PELI2: variants seen among roughly 807,000 people sequenced by gnomAD.
PELI2 encodes the protein pellino E3 ubiquitin protein ligase family member 2, also known as E3 ubiquitin-protein ligase pellino homolog 2.
Under a neutral mutation model 42.3 loss-of-function variants are expected in PELI2, and 23 were observed. That is an observed-to-expected ratio of 0.54 (90% CI 0.39 to 0.77). The LOEUF is 0.77. Among genes scored for constraint, PELI2 ranks in the 30% least tolerant of loss-of-function variants. The probability of loss-of-function intolerance (pLI) is 0.00; values close to 1 mark genes in which losing one functional copy is unlikely to be tolerated. For missense variants in PELI2, 463 were observed against 553.2 expected (o/e 0.84, Z 1.64); for synonymous variants, 245 against 212.2 (o/e 1.15, Z -1.34).
chr14:56,252,140 A>G (rs1013249736), intron 2 of PELI2, among the ~76,000 whole-genome samples: 4 of 152,202 alleles, frequency 2.6e-5, no homozygotes, highest in Admixed American at 6.5e-5. Context: ...TGCAGTAAGG[A>G]GGTAACAATT....
intron 2 of PELI2, among the ~76,000 whole-genome samples, chr14:56,232,286 G>A (rs1887611366): frequency 6.6e-6 from 1 of 151,990 alleles, no homozygotes; most frequent in Non-Finnish European, 1.5e-5. Context: ...TGATGCCAAA[G>A]CCAGGCAGAG....
Position 56,160,462 on chromosome 14 carries a change from C to CA in PELI2, c.78-17872dup, listed in dbSNP as rs561974923. Among the ~76,000 whole-genome samples the CA allele has an allele frequency of 5.5e-4, 83 of 152,196 alleles. No homozygotes were observed. The East Asian group carries it at 0.016, about 29-fold the overall frequency. On this transcript the variant is annotated intron_variant, in intron 1 of 5. Coordinates refer to ENST00000267460, the MANE Select transcript of PELI2 (RefSeq NM_021255.3). ...ATGATGGTGTGTGGGTACATAAATA[C>CA]AGGAAGAACAGGTTAAAACTTAATG...
intron 2 of PELI2, among the ~76,000 whole-genome samples, chr14:56,238,813 G>A (rs1887881935): frequency 6.6e-6 from 1 of 152,132 alleles, no homozygotes; most frequent in African/African-American, 2.4e-5. Context: ...TGTTTAACCA[G>A]GAGGATTTGT....
At chr14:56,213,797 T>C (rs574808548) in intron 2 of PELI2, among the ~76,000 whole-genome samples, 47 of 152,344 alleles carry the variant, frequency 3.1e-4, no homozygotes, top group African/African-American at 1.1e-3. Flanking sequence ...CTGAAGGATA[T>C]ATCAGTTTTC....
At chr14:56,238,164 C>G (rs1479752) in intron 2 of PELI2, among the ~76,000 whole-genome samples, 1 of 152,158 alleles carries the variant, frequency 6.6e-6, no homozygotes, top group East Asian at 1.9e-4. Context: ...GTCAGTTCTG[C>G]CTGCAGAAGT....
At chr14:56,215,746 A>T (rs1213786118) in intron 2 of PELI2, among the ~76,000 whole-genome samples, 1 of 152,236 alleles carries the variant, frequency 6.6e-6, no homozygotes, top group Non-Finnish European at 1.5e-5. Flanking sequence ...TCAGATTTTT[A>T]ATTGAACTCA....
chr14:56,199,314 A>T (rs1886249034), intron 2 of PELI2, among the ~76,000 whole-genome samples: 1 of 151,842 alleles, frequency 6.6e-6, no homozygotes, highest in African/African-American at 2.4e-5. Context: ...TCTAATCTCC[A>T]TTTACTTCTG....
chr14:56,135,834 AG>A (rs1306963820), intron 1 of PELI2, among the ~76,000 whole-genome samples: 2 of 152,206 alleles, frequency 1.3e-5, no homozygotes, highest in Non-Finnish European at 2.9e-5. Flanking sequence ...GCTTCAGAAG[AG>A]GCATGCTTTT....
intron 2 of PELI2, among the ~76,000 whole-genome samples, chr14:56,278,071 T>C (rs972113043): frequency 1.2e-4 from 19 of 152,366 alleles, no homozygotes; most frequent in African/African-American, 3.8e-4. Context: ...GGAGTTGATA[T>C]ATTTGTAAAT....
At chr14:56,225,567 C>T (rs1159861126) in intron 2 of PELI2, among the ~76,000 whole-genome samples, 1 of 152,148 alleles carries the variant, frequency 6.6e-6, no homozygotes, top group East Asian at 1.9e-4. Context: ...GTGGGGGTGG[C>T]AGAGCCTGGG....
At chr14:56,120,701 C>T (rs143888975) in intron 1 of PELI2, among the ~76,000 whole-genome samples, 119 of 152,242 alleles carry the variant, frequency 7.8e-4, no homozygotes, top group African/African-American at 2.8e-3. Context: ...CAGGCATAAA[C>T]AGAAAGAAAC....
At chr14:56,141,648 G>A (rs552475736) in intron 1 of PELI2, among the ~76,000 whole-genome samples, 6 of 152,246 alleles carry the variant, frequency 3.9e-5, no homozygotes, top group South Asian at 2.1e-4. Context: ...ACAGGTCAGC[G>A]GGAGAGAGAG....
At chr14:56,146,113 C>T (rs145955195) in intron 1 of PELI2, among the ~76,000 whole-genome samples, 2 of 152,172 alleles carry the variant, frequency 1.3e-5, no homozygotes, top group Non-Finnish European at 2.9e-5. Context: ...TTTTTAAGTT[C>T]AGACTACCTC....
chr14:56,185,700 G>A (rs1046749610), intron 2 of PELI2, among the ~76,000 whole-genome samples: 11 of 152,132 alleles, frequency 7.2e-5, no homozygotes, highest in Non-Finnish European at 2.9e-5. Flanking sequence ...AATCTAGTTT[G>A]ACATTAGCAT....
intron 2 of PELI2, among the ~76,000 whole-genome samples, chr14:56,187,739 G>C (rs1471801140): frequency 6.6e-6 from 1 of 152,164 alleles, no homozygotes; most frequent in Non-Finnish European, 1.5e-5. Flanking sequence ...TCATAACCGT[G>C]TTCCAGGGGA....
intron 2 of PELI2, among the ~76,000 whole-genome samples, chr14:56,231,088 G>A (rs989008917): frequency 3.3e-5 from 5 of 152,116 alleles, no homozygotes; most frequent in Admixed American, 2.6e-4. Flanking sequence ...CAATATAAGA[G>A]CACCCAGATT....
intron 1 of PELI2, among the ~76,000 whole-genome samples, chr14:56,163,492 T>C (rs1884840451): frequency 6.6e-6 from 1 of 152,114 alleles, no homozygotes; most frequent in Non-Finnish European, 1.5e-5. Context: ...AGTGTAATTT[T>C]AAGTCAGGTA....
At chr14:56,156,256 A>G (rs975836241) in intron 1 of PELI2, among the ~76,000 whole-genome samples, 3 of 152,134 alleles carry the variant, frequency 2.0e-5, no homozygotes, top group African/African-American at 7.2e-5. Flanking sequence ...TTATATTGCA[A>G]ATTCCAAAAT....
At chr14:56,277,093 T>TG (rs1206580383) in intron 2 of PELI2, among the ~76,000 whole-genome samples, 1 of 152,210 alleles carries the variant, frequency 6.6e-6, no homozygotes, top group Non-Finnish European at 1.5e-5. Flanking sequence ...GCCTATAAAA[T>TG]GGCTGTTTCT....
Sources: gnomAD v4.1 joint callset for allele counts (sites outside exome capture counted in the v4.1 genomes callset) on GRCh38, gnomAD v4.1.1 for gene constraint, MANE v1.5 for transcripts, NCBI Gene and HGNC (gene_info 2026-07-23, HGNC 2026-07-21) for gene names.